The following ODF2L variants were observed in gnomAD, a reference collection of about 807,000 sequenced individuals.
ODF2L encodes the protein protein BCAP.
Under a neutral mutation model 86.3 loss-of-function variants are expected in ODF2L, and 76 were observed. That is an observed-to-expected ratio of 0.88 (90% CI 0.73 to 1.07). ODF2L has a LOEUF of 1.07. Ranked by LOEUF, ODF2L falls within the 50% of genes least tolerant of loss-of-function variation. ODF2L has a pLI of 0.00. For missense variants in ODF2L, 748 were observed against 717.4 expected (o/e 1.04, Z -0.49); for synonymous variants, 241 against 231.3 (o/e 1.04, Z -0.38).
Position 86,376,341 on chromosome 1 carries a change from TG to T in ODF2L, c.701del (p.Ala234GlufsTer7). ...TTAAAGCTACAGTTTTTTGCCTACT[TG>T]CTTCTTTCATCACTATAGCCTCATT... On this transcript the variant is annotated frameshift_variant, in exon 8 of 18. Coordinates refer to ENST00000317336, the Ensembl canonical transcript of ODF2L. LOFTEE classifies it high-confidence loss of function. 7 of 1,612,748 alleles carry T rather than the reference TG, an allele frequency of 4.3e-6. No homozygotes were observed. Among genetic ancestry groups the T allele is most frequent in the Non-Finnish European group, 5.1e-6 (6 of 1,179,002 alleles).
In ODF2L at chr1:86,357,284, G is replaced by A. The variant is rs144493465; in HGVS notation, c.1360-682C>T. On this transcript the variant is annotated intron_variant, in intron 13 of 17. Transcript: ENST00000317336. ...CAAAAAATAGCCAGACTCTTTCCCTGAGACAGGAACACCTAATAGTTTCTG... is the reference window on the plus strand; with the variant it reads ...CAAAAAATAGCCAGACTCTTTCCCTAAGACAGGAACACCTAATAGTTTCTG... 1.2e-3 allele frequency among the ~76,000 whole-genome samples: 188 copies of A among 151,724 alleles called. 5 individuals carry two copies. The East Asian group carries it at 0.033, about 27-fold the overall frequency.
chr1:86,352,822 T>C (rs1160016623), intron 17 of ODF2L, 37 bp downstream of exon 16: 3 of 1,288,930 alleles, frequency 2.3e-6, no homozygotes, highest in Non-Finnish European at 3.2e-6. Flanking sequence ...TGTTAAATGT[T>C]ATCTTTTATA....
chr1:86,389,818 C>T (rs1372529257), intron 1 of ODF2L, among the ~76,000 whole-genome samples: 1 of 152,100 alleles, frequency 6.6e-6, no homozygotes, highest in African/African-American at 2.4e-5. Flanking sequence ...GGATACAACC[C>T]TCCTAGCTTA....
exon 18 of ODF2L, chr1:86,350,836 T>C (rs1335368715): frequency 1.3e-5 from 2 of 152,254 alleles, no homozygotes; most frequent in East Asian, 3.8e-4. Context: ...TTGATTTGCA[T>C]TTCTCTGAAT....
At chr1:86,366,983 T>C (rs1659485760) in intron 11 of ODF2L, among the ~76,000 whole-genome samples, 1 of 152,000 alleles carries the variant, frequency 6.6e-6, no homozygotes, top group Non-Finnish European at 1.5e-5. Flanking sequence ...ATTTACAAGG[T>C]CTACAAAGTA....
At chr1:86,359,241 TAA>T (rs57483150) in intron 12 of ODF2L, among the ~76,000 whole-genome samples, 99,328 of 145,040 alleles carry the variant, frequency 0.68, 33,609 homozygotes, top group Middle Eastern at 0.76. Context: ...CAAAATCTGC[TAA>T]AAAAAAAAAA....
intron 7 of ODF2L, among the ~76,000 whole-genome samples, chr1:86,378,610 C>A (rs1054115428): frequency 6.6e-6 from 1 of 152,080 alleles, no homozygotes; most frequent in Non-Finnish European, 1.5e-5. Context: ...AAACTTCAAT[C>A]GTGGCAGAAG....
chr1:86,354,751 A>G, intron 15 of ODF2L, 23 bp downstream of exon 14: 1 of 1,538,616 alleles, frequency 6.5e-7, no homozygotes, highest in Non-Finnish European at 9.0e-7. Context: ...TGCAGCAGCA[A>G]TGTTAAGTAA....
intron 7 of ODF2L, among the ~76,000 whole-genome samples, chr1:86,378,302 C>A (rs147253878): frequency 5.9e-5 from 9 of 152,182 alleles, no homozygotes; most frequent in Non-Finnish European, 1.0e-4. Context: ...TTGTCCATAT[C>A]ACTATCAGCA....
intron 1 of ODF2L, among the ~76,000 whole-genome samples, chr1:86,394,840 CTTTTTTTTT>C (rs33996151): frequency 1.5e-5 from 2 of 129,316 alleles, no homozygotes; most frequent in Non-Finnish European, 3.2e-5. Flanking sequence ...TTTCTTTTTC[CTTTTTTTTT>C]TTTTTTTTTG....
chr1:86,367,854 CAA>C (rs955013617), intron 11 of ODF2L, among the ~76,000 whole-genome samples: 1 of 152,036 alleles, frequency 6.6e-6, no homozygotes, highest in Non-Finnish European at 1.5e-5. Context: ...CCTTATTTTC[CAA>C]ATAAAAGGTG....
At chr1:86,349,393 A>T (rs1389289233), downstream of ODF2L, 2 of 152,312 alleles carry the variant, frequency 1.3e-5, no homozygotes, top group Non-Finnish European at 2.9e-5. Context: ...TAAGGTGCAT[A>T]TGAATTCCTA....
At chr1:86,356,636 T>C in intron 13 of ODF2L, 34 bp from the exon 13 acceptor site, 2 of 1,581,456 alleles carry the variant, frequency 1.3e-6, no homozygotes, top group East Asian at 2.2e-5. Flanking sequence ...AAGTGCAAGA[T>C]CACACATTCA....
At chr1:86,386,880 G>A in intron 2 of ODF2L, 35 bp downstream of exon 2, 1 of 1,093,626 alleles carries the variant, frequency 9.1e-7, no homozygotes, top group Middle Eastern at 2.2e-4. Flanking sequence ...CCTAGAATCG[G>A]AAATTTAGAT....
chr1:86,371,972 G>T (rs917962459), intron 9 of ODF2L, among the ~76,000 whole-genome samples: 1 of 152,074 alleles, frequency 6.6e-6, no homozygotes, highest in Non-Finnish European at 1.5e-5. Context: ...CGGATCACAA[G>T]GTCAGGAGAT....
At chr1:86,366,070 A>G (rs1289994004) in intron 11 of ODF2L, among the ~76,000 whole-genome samples, 1 of 152,206 alleles carries the variant, frequency 6.6e-6, no homozygotes, top group African/African-American at 2.4e-5. Context: ...GTAAACTGCT[A>G]GTTTCCCAAC....
downstream of ODF2L, chr1:86,348,715 A>C: frequency 7.2e-7 from 1 of 1,390,890 alleles, no homozygotes; most frequent in Non-Finnish European, 9.4e-7. Flanking sequence ...ACTCATAATA[A>C]AAATCTACTA....
chr1:86,377,568 AG>A (rs1390472977), intron 7 of ODF2L, among the ~76,000 whole-genome samples: 1 of 152,204 alleles, frequency 6.6e-6, no homozygotes. Context: ...CTGGACATCC[AG>A]GCACTTCCAC....
intron 10 of ODF2L, chr1:86,368,791 A>C (rs1293882323): frequency 1.0e-5 from 13 of 1,251,402 alleles, no homozygotes; most frequent in Non-Finnish European, 5.1e-6. Flanking sequence ...ATTAAATGTT[A>C]AAAACATTGG....
Sources: allele counts gnomAD v4.1 joint callset (sites outside exome capture counted in the v4.1 genomes callset), GRCh38; gene constraint gnomAD v4.1.1; transcripts MANE v1.5; gene names NCBI Gene and HGNC (gene_info 2026-07-23, HGNC 2026-07-21).